Variants in METTL15 observed in about 807,000 individuals in gnomAD.
METTL15 encodes methyltransferase 15, mitochondrial 12S rRNA N4-cytidine, also known as 12S rRNA N(4)-cytidine methyltransferase METTL15.
Under a neutral mutation model 38.3 loss-of-function variants are expected in METTL15, and 34 were observed. That is an observed-to-expected ratio of 0.89 (90% CI 0.68 to 1.18). The LOEUF (loss-of-function observed/expected upper bound fraction) is 1.18. Among genes scored for constraint, METTL15 ranks in the 50% most tolerant of loss-of-function variants. The probability of loss-of-function intolerance (pLI) is 0.00; values close to 1 mark genes in which losing one functional copy is unlikely to be tolerated. For missense variants in METTL15, 438 were observed against 498.4 expected (o/e 0.88, Z 1.15); for synonymous variants, 162 against 170.9 (o/e 0.95, Z 0.41).
At chr11:28,280,263 A>G (rs1253038842) in intron 4 of METTL15, among the ~76,000 whole-genome samples, 2 of 152,104 alleles carry the variant, frequency 1.3e-5, no homozygotes, top group Non-Finnish European at 2.9e-5. Context: ...CTGCAGGTGA[A>G]CTAACTCAAT....
At chr11:28,469,301 T>C (rs1252526399) in intron 6 of METTL15, among the ~76,000 whole-genome samples, 1 of 152,186 alleles carries the variant, frequency 6.6e-6, no homozygotes, top group African/African-American at 2.4e-5. Flanking sequence ...GTTGTATATA[T>C]TTAAGATATA....
intron 4 of METTL15, among the ~76,000 whole-genome samples, chr11:28,217,251 A>T (rs1852930355): frequency 6.6e-6 from 1 of 151,832 alleles, no homozygotes; most frequent in Admixed American, 6.6e-5. Flanking sequence ...AATGATCGCC[A>T]TTCTAACTGG....
chr11:28,468,475 C>A (rs985424278), intron 6 of METTL15, among the ~76,000 whole-genome samples: 1 of 152,184 alleles, frequency 6.6e-6, no homozygotes, highest in Non-Finnish European at 1.5e-5. Context: ...TTATCAACTA[C>A]ATTTTGATAT....
chr11:28,506,747 T>G (rs1322457800), intron 6 of METTL15, among the ~76,000 whole-genome samples: 1 of 143,032 alleles, frequency 7.0e-6, no homozygotes, highest in Non-Finnish European at 1.5e-5. Context: ...TTTTTTTTTT[T>G]TTTTTTTTTT....
At chr11:28,498,633 C>T (rs1851556044) in intron 6 of METTL15, among the ~76,000 whole-genome samples, 1 of 151,966 alleles carries the variant, frequency 6.6e-6, no homozygotes, top group African/African-American at 2.4e-5. Context: ...TAAAATTCCC[C>T]TTATTTAGAG....
At chr11:28,242,427 T>C (rs899488794) in intron 4 of METTL15, among the ~76,000 whole-genome samples, 2 of 152,192 alleles carry the variant, frequency 1.3e-5, no homozygotes, top group African/African-American at 4.8e-5. Context: ...GAGCATGAAC[T>C]AAAGGGCAAA....
intron 3 of METTL15, among the ~76,000 whole-genome samples, chr11:28,198,274 G>A (rs944028289): frequency 4.6e-5 from 7 of 152,148 alleles, no homozygotes; most frequent in African/African-American, 1.4e-4. Flanking sequence ...TGACAGTTCT[G>A]TTGTACGTGA....
At chr11:28,512,529 G>A (rs911527604) in intron 6 of METTL15, among the ~76,000 whole-genome samples, 6 of 152,192 alleles carry the variant, frequency 3.9e-5, no homozygotes, top group Admixed American at 1.3e-4. Flanking sequence ...CCGGTGAGCC[G>A]GCACTGCTGG....
chr11:28,131,031 C>T (rs765332545), intron 3 of METTL15, among the ~76,000 whole-genome samples: 4 of 152,046 alleles, frequency 2.6e-5, no homozygotes, highest in Non-Finnish European at 5.9e-5. Context: ...GGATATCCAC[C>T]ATTCCTGTAG....
intron 6 of METTL15, among the ~76,000 whole-genome samples, chr11:28,464,706 G>A (rs1000536386): frequency 3.9e-5 from 6 of 152,246 alleles, no homozygotes; most frequent in Middle Eastern, 3.4e-3. Flanking sequence ...TACATTCTAT[G>A]CTTCTAAGTT....
intron 5 of METTL15, among the ~76,000 whole-genome samples, chr11:28,369,509 C>A (rs1202558222): frequency 1.3e-5 from 2 of 151,916 alleles, no homozygotes; most frequent in Non-Finnish European, 2.9e-5. Flanking sequence ...ATAATCAAAC[C>A]GTCCAAAGGC....
chr11:28,141,425 C>T (rs1048400891), intron 3 of METTL15, among the ~76,000 whole-genome samples: 2 of 152,052 alleles, frequency 1.3e-5, no homozygotes, highest in African/African-American at 4.8e-5. Context: ...AAGACTTTGA[C>T]TTTGGGAGAC....
chr11:28,336,664 C>T (rs1285874066), downstream of METTL15, among the ~76,000 whole-genome samples: 1 of 152,174 alleles, frequency 6.6e-6, no homozygotes, highest in Non-Finnish European at 1.5e-5. Context: ...TTCCTATCAC[C>T]TTGTGACATC....
intron 6 of METTL15, among the ~76,000 whole-genome samples, chr11:28,470,057 A>G (rs1239810299): frequency 1.3e-5 from 2 of 152,094 alleles, no homozygotes; most frequent in African/African-American, 4.8e-5. Flanking sequence ...AAACCTCACA[A>G]TCACAATGTA....
chr11:28,285,160 A>G (rs770055734), intron 4 of METTL15, among the ~76,000 whole-genome samples: 20 of 152,120 alleles, frequency 1.3e-4, no homozygotes, highest in Non-Finnish European at 1.3e-4. Flanking sequence ...CCTTACAATC[A>G]TGAGAACTGT....
intron 4 of METTL15, among the ~76,000 whole-genome samples, chr11:28,354,517 A>G (rs1401535519): frequency 6.6e-6 from 1 of 152,202 alleles, no homozygotes; most frequent in Non-Finnish European, 1.5e-5. Context: ...CTATTCTGTT[A>G]TTAGTCAGAT....
At chr11:28,138,842 A>T (rs1258386726) in intron 3 of METTL15, among the ~76,000 whole-genome samples, 1 of 152,224 alleles carries the variant, frequency 6.6e-6, no homozygotes, top group Non-Finnish European at 1.5e-5. Context: ...CTTGAACAAC[A>T]GGCTTATGGG....
chr11:28,455,477 A>G (rs555013224), intron 6 of METTL15, among the ~76,000 whole-genome samples: 2 of 152,164 alleles, frequency 1.3e-5, no homozygotes, highest in South Asian at 4.1e-4. Flanking sequence ...AACCTGTCCT[A>G]TAATTTTAGC....
At chr11:28,274,975 CA>C (rs937184935) in intron 4 of METTL15, among the ~76,000 whole-genome samples, 2 of 149,614 alleles carry the variant, frequency 1.3e-5, no homozygotes, top group Admixed American at 6.7e-5. Flanking sequence ...CTAAAAGACT[CA>C]AAAAAAGGGA....
Sources: gnomAD v4.1 joint callset for allele counts (sites outside exome capture counted in the v4.1 genomes callset) on GRCh38, gnomAD v4.1.1 for gene constraint, MANE v1.5 for transcripts, NCBI Gene and HGNC (gene_info 2026-07-23, HGNC 2026-07-21) for gene names.